Variants in KCNE2 observed in about 807,000 individuals in gnomAD.
The protein encoded by KCNE2 is potassium voltage-gated channel subfamily E regulatory subunit 2.
In KCNE2, 4 loss-of-function variants were observed where a neutral mutation model predicts 4.5. That is an observed-to-expected ratio of 0.89 (90% CI 0.44 to 2.03). The LOEUF is 2.03. Ranked by LOEUF, KCNE2 falls within the 30% of genes most tolerant of loss-of-function variation. The pLI, the probability that KCNE2 is intolerant of heterozygous loss-of-function variation, is 0.03. For synonymous variants in KCNE2, 57 were observed against 55.9 expected (o/e 1.02, Z -0.09); for missense variants, 137 against 151.4 (o/e 0.90, Z 0.50).
intron 1 of KCNE2, among the ~76,000 whole-genome samples, chr21:34,364,831 T>A (rs1188168867): frequency 6.6e-6 from 1 of 152,022 alleles, no homozygotes; most frequent in Non-Finnish European, 1.5e-5. Flanking sequence ...TGAGTGTTAC[T>A]TTCCTAATAG....
chr21:34,365,907 C>G (rs922964761), intron 1 of KCNE2, among the ~76,000 whole-genome samples: 1 of 152,240 alleles, frequency 6.6e-6, no homozygotes, highest in Non-Finnish European at 1.5e-5. Flanking sequence ...GGCCACATCT[C>G]ATGCATCCGT....
At chr21:34,368,229 A>ACACACACTAT (rs781775671) in intron 1 of KCNE2, among the ~76,000 whole-genome samples, 2 of 84,810 alleles carry the variant, frequency 2.4e-5, no homozygotes, top group African/African-American at 1.2e-4. Context: ...ACACACACAC[A>ACACACACTAT]ATATATATAT....
intron 1 of KCNE2, among the ~76,000 whole-genome samples, chr21:34,370,251 A>G (rs1217806662): frequency 6.6e-6 from 1 of 152,190 alleles, no homozygotes; most frequent in African/African-American, 2.4e-5. Flanking sequence ...TGCCATTTAA[A>G]TTTTTACTGT....
chr21:34,365,175 A>G (rs1979239214), intron 1 of KCNE2, among the ~76,000 whole-genome samples: 2 of 152,224 alleles, frequency 1.3e-5, no homozygotes, highest in African/African-American at 2.4e-5. Context: ...TCCACCTATC[A>G]GAGAGCAAAC....
intron 1 of KCNE2, among the ~76,000 whole-genome samples, chr21:34,365,896 C>T (rs1022895708): frequency 3.3e-5 from 5 of 152,252 alleles, no homozygotes; most frequent in Non-Finnish European, 7.3e-5. Context: ...ATGGGCCACT[C>T]GGCCACATCT....
chr21:34,368,240 A>AC, intron 1 of KCNE2, among the ~76,000 whole-genome samples: 5 of 111,520 alleles, frequency 4.5e-5, no homozygotes, highest in African/African-American at 1.7e-4. Context: ...ATATATATAT[A>AC]TATATATATA....
At chr21:34,364,697 C>T (rs1979218980) in intron 1 of KCNE2, among the ~76,000 whole-genome samples, 1 of 151,452 alleles carries the variant, frequency 6.6e-6, no homozygotes, top group African/African-American at 2.4e-5. Flanking sequence ...GGCATGAACC[C>T]GGGAGGTGGA....
chr21:34,368,273 A>ATATATATATG (rs1979426274), intron 1 of KCNE2, among the ~76,000 whole-genome samples: 1 of 110,486 alleles, frequency 9.1e-6, no homozygotes, highest in African/African-American at 3.6e-5. Flanking sequence ...TATGTTATAT[A>ATATATATATG]TATGTATGTT....
At chr21:34,368,225 ACACAATAT>A (rs1173736247) in intron 1 of KCNE2, among the ~76,000 whole-genome samples, 7 of 68,502 alleles carry the variant, frequency 1.0e-4, no homozygotes, top group East Asian at 9.7e-4. Flanking sequence ...ACACACACAC[ACACAATAT>A]ATATATATAT....
intron 1 of KCNE2, among the ~76,000 whole-genome samples, chr21:34,369,359 G>A (rs2123422540): frequency 6.6e-6 from 1 of 152,302 alleles, no homozygotes; most frequent in East Asian, 1.9e-4. Context: ...AGACCAGCCT[G>A]GCCAATGTGT....
intron 1 of KCNE2, among the ~76,000 whole-genome samples, chr21:34,366,378 A>G (rs1979292497): frequency 6.6e-6 from 1 of 151,376 alleles, no homozygotes; most frequent in East Asian, 1.9e-4. Flanking sequence ...CCCACCCCCA[A>G]TTCCCACACC....
At position 34,371,229 on chromosome 21, in the gene KCNE2, T is replaced by C; in HGVS notation, c.*379T>C. ...TTTCTCATGAAACATCATTTGTGTG[T>C]GACAAATTCAATTTATAAATAACCC... On this transcript the variant is annotated 3_prime_UTR_variant, in exon 2 of 2. Coordinates refer to ENST00000290310, the MANE Select transcript of KCNE2 (RefSeq NM_172201.2). The C allele has an allele frequency of 3.4e-6, 1 of 292,710 alleles. No homozygotes were observed. The highest frequency in any genetic ancestry group is 6.7e-6 in the Non-Finnish European group (1 of 148,672). The allele number at this position is 292,710 out of a possible 1,614,324, so 18.1% of individuals were successfully genotyped here.
In KCNE2 at chr21:34,370,819, T is replaced by C. The variant is rs1271286914; in HGVS notation, c.341T>C (p.Ile114Thr). The C allele has an allele frequency of 2.5e-6, 4 of 1,614,018 alleles. No individual in the cohort carries two copies. Among genetic ancestry groups the C allele is most frequent in the Non-Finnish European group, 2.5e-6 (3 of 1,180,044 alleles). The change falls in exon 2 of 2, where the codon ATT (isoleucine) becomes ACT (threonine). Residue 114 changes from isoleucine to threonine, a missense_variant. By Grantham distance (89) the Ile-to-Thr change is moderately conservative. Transcript: ENST00000290310. ...EESKATIHENIGAAGFKMSP is the reference protein window; with the variant it reads ...EESKATIHENTGAAGFKMSP ...TCGAAGGCCACCATCCATGAGAACATTGGTGCGGCTGGGTTCAAAATGTCC... is the reference window on the plus strand; with the variant it reads ...TCGAAGGCCACCATCCATGAGAACACTGGTGCGGCTGGGTTCAAAATGTCC...
At position 34,371,083 on chromosome 21, in the gene KCNE2, C is replaced by T. The variant is rs1278156579; in HGVS notation, c.*233C>T. ...TGTGCTGAAGACCTCTTTTACTTTCCGGGCAAGTGAATGTCATTTTAATCA... is the reference window on the plus strand; with the variant it reads ...TGTGCTGAAGACCTCTTTTACTTTCTGGGCAAGTGAATGTCATTTTAATCA... On this transcript the variant is annotated 3_prime_UTR_variant, in exon 2 of 2. Transcript: ENST00000290310. 4.0e-5 allele frequency: 23 copies of T among 580,350 alleles called. No individual in the cohort carries two copies. Among genetic ancestry groups the T allele is most frequent in the East Asian group, 3.6e-4 (12 of 33,274 alleles). 36.0% of individuals were successfully genotyped at this position (580,350 alleles called of 1,614,324 possible).
At chr21:34,368,250 ATATATATATATGTATGTTATATATATG>A (rs1158991608) in intron 1 of KCNE2, among the ~76,000 whole-genome samples, 18 of 103,980 alleles carry the variant, frequency 1.7e-4, no homozygotes, top group Admixed American at 3.7e-4. Context: ...ATATATATAT[ATATATATATATGTATGTTATATATATG>A]TATGTTATAT....
Position 34,364,645 on chromosome 21 carries a change from C to A in KCNE2, c.-13+494C>A, listed in dbSNP as rs551744240. Among the ~76,000 whole-genome samples, 9 of 151,984 alleles carry A rather than the reference C, an allele frequency of 5.9e-5. No individual in the cohort carries two copies. In the South Asian group the frequency reaches 1.9e-3, roughly 32 times the overall value. Reference sequence around the variant, plus strand: ...AAAATTAGCCTGGCGTGGTGGCTGGCGCCTGTAGTCCCAGCTACTCAGGAA... The same window carrying A: ...AAAATTAGCCTGGCGTGGTGGCTGGAGCCTGTAGTCCCAGCTACTCAGGAA... On this transcript the variant is annotated intron_variant, in intron 1 of 1. Transcript: ENST00000290310.
At position 34,370,675 on chromosome 21, in the gene KCNE2, C is replaced by T. The variant is rs16991656; in HGVS notation, c.197C>T (p.Ala66Val). 3.1e-6 allele frequency: 5 copies of T among 1,614,192 alleles called. No homozygotes were observed. Among genetic ancestry groups the T allele is most frequent in the Non-Finnish European group, 4.2e-6 (5 of 1,180,048 alleles). Residue 66 changes from alanine to valine, a missense_variant, in exon 2 of 2, where the codon GCC (alanine) becomes GTC (valine). Coordinates refer to ENST00000290310, the MANE Select transcript of KCNE2 (RefSeq NM_172201.2). ...MIGMFSFIIV[A>V]ILVSTVKSKR... ...GGAATGTTCTCTTTCATCATCGTGG[C>T]CATCCTGGTGAGCACTGTGAAATCC...
intron 1 of KCNE2, among the ~76,000 whole-genome samples, chr21:34,367,920 G>C (rs1420397250): frequency 6.6e-6 from 1 of 151,948 alleles, no homozygotes. Flanking sequence ...ACCGTGTTCA[G>C]CTCCATTTTC....
intron 1 of KCNE2, among the ~76,000 whole-genome samples, chr21:34,368,667 C>T (rs898418883): frequency 3.3e-5 from 5 of 152,098 alleles, no homozygotes; most frequent in African/African-American, 7.3e-5. Context: ...CCACAATTCT[C>T]TAAAAACAGA....
Sources: allele counts gnomAD v4.1 joint callset (sites outside exome capture counted in the v4.1 genomes callset), GRCh38; gene constraint gnomAD v4.1.1; transcripts MANE v1.5; gene names NCBI Gene and HGNC (gene_info 2026-07-23, HGNC 2026-07-21).